MYOF: variants seen among roughly 807,000 people sequenced by gnomAD.
MYOF encodes the protein myoferlin, also known as fer-1-like 3, myoferlin.
MYOF carries 244 observed loss-of-function variants against 284.2 expected under a neutral mutation model. That is an observed-to-expected ratio of 0.86 (90% CI 0.77 to 0.95). The LOEUF is 0.95. Among genes scored for constraint, MYOF ranks in the 40% least tolerant of loss-of-function variants. The probability of loss-of-function intolerance (pLI) is 0.00; values close to 1 mark genes in which losing one functional copy is unlikely to be tolerated. For missense variants in MYOF, 2,496 were observed against 2,560.6 expected (o/e 0.97, Z 0.54); for synonymous variants, 904 against 919.7 (o/e 0.98, Z 0.31).
intron 5 of MYOF, among the ~76,000 whole-genome samples, chr10:93,423,846 CA>C (rs1185725759): frequency 2.0e-5 from 3 of 146,892 alleles, no homozygotes; most frequent in Non-Finnish European, 4.5e-5. Context: ...AAAAAAAAAA[CA>C]AACCAAAAAA....
chr10:93,374,627 A>T (rs1845751028), intron 23 of MYOF, 136 bp downstream of exon 23: 4 of 854,592 alleles, frequency 4.7e-6, no homozygotes, highest in Non-Finnish European at 5.1e-6. Flanking sequence ...TTACTCCCTG[A>T]TTTTTACAAT....
At chr10:93,378,796 T>C (rs1297489771) in intron 21 of MYOF, among the ~76,000 whole-genome samples, 1 of 150,556 alleles carries the variant, frequency 6.6e-6, no homozygotes, top group Admixed American at 6.6e-5. Flanking sequence ...CACTGCAACC[T>C]CCGTCTCCCG....
chr10:93,309,846 T>C (rs185868456), intron 53 of MYOF, among the ~76,000 whole-genome samples, 174 bp downstream of exon 53: 118 of 152,278 alleles, frequency 7.7e-4, no homozygotes, highest in Non-Finnish European at 1.4e-3. Context: ...ACCCTGAGAA[T>C]GTGATTCTAA....
At chr10:93,453,319 C>T (rs560002698) in intron 2 of MYOF, among the ~76,000 whole-genome samples, 59 of 152,318 alleles carry the variant, frequency 3.9e-4, no homozygotes, top group African/African-American at 1.4e-3. Flanking sequence ...GCGCCTGCCA[C>T]CATGCCCTGC....
At chr10:93,368,380 G>C (rs1328762223) in intron 25 of MYOF, among the ~76,000 whole-genome samples, 3 of 152,206 alleles carry the variant, frequency 2.0e-5, no homozygotes, top group Non-Finnish European at 4.4e-5. Context: ...CCTAACCCAA[G>C]CTACACAATC....
Position 93,395,313 on chromosome 10 carries a change from T to G in MYOF, c.1417+829A>C, listed in dbSNP as rs1047653946. Among the ~76,000 whole-genome samples the G allele has an allele frequency of 5.3e-5, 8 of 152,086 alleles. 1 individual carries two copies. Among genetic ancestry groups the G allele is most frequent in the African/African-American group, 9.7e-5 (4 of 41,390 alleles). On this transcript the variant is annotated intron_variant, in intron 16 of 53. Coordinates refer to ENST00000359263, the MANE Select transcript of MYOF (RefSeq NM_013451.4). ...CAAAAATTAGCTGGGCGTGGTGGCATGCGCCTGTAGTCCCAGCTACTCGGG... is the reference window on the plus strand; with the variant it reads ...CAAAAATTAGCTGGGCGTGGTGGCAGGCGCCTGTAGTCCCAGCTACTCGGG...
chr10:93,469,130 T>C (rs1167757744), intron 1 of MYOF, among the ~76,000 whole-genome samples: 1 of 152,178 alleles, frequency 6.6e-6, no homozygotes, highest in Non-Finnish European at 1.5e-5. Context: ...CCAGGTATGG[T>C]GGCTCACGCC....
chr10:93,323,315 C>T lies in MYOF; in HGVS notation c.5315G>A (p.Gly1772Glu), dbSNP rs1428541107. 1.2e-6 allele frequency: 2 copies of T among 1,613,924 alleles called. No individual in the cohort carries two copies. The highest frequency in any genetic ancestry group is 1.7e-5 in the Admixed American group (1 of 60,010). ...GATGTTGAAAGGAGGGCCTGGTGGC[C>T]CCAAACTCTTGGGGAAAACATCCAC... The part of the protein sequence containing the change: ...MWVDVFPKSL[G>E]PPGPPFNITP... The change falls in exon 47 of 54, where the codon GGG becomes GAG. Residue 1772 changes from glycine to glutamate, a missense_variant. By Grantham distance (98) the Gly-to-Glu change is moderately conservative (BLOSUM62 -2). Around this residue, in one of 3 missense-constraint regions of MYOF, gnomAD observed 2,436 missense variants for 2,480.7 expected, o/e 0.98. Transcript: ENST00000359263.
At chr10:93,339,893 C>T (rs1219151457) in intron 39 of MYOF, among the ~76,000 whole-genome samples, 1 of 152,000 alleles carries the variant, frequency 6.6e-6, no homozygotes, top group East Asian at 2.0e-4. Flanking sequence ...TCCTGGCTAA[C>T]ATGGTGAAAC....
At chr10:93,469,954 C>T (rs1455805224) in intron 1 of MYOF, among the ~76,000 whole-genome samples, 9 of 151,974 alleles carry the variant, frequency 5.9e-5, no homozygotes, top group Non-Finnish European at 1.2e-4. Context: ...GTAGGCCGGG[C>T]GCAGTGGCTC....
At chr10:93,464,677 C>T (rs910205353) in intron 1 of MYOF, among the ~76,000 whole-genome samples, 3 of 152,082 alleles carry the variant, frequency 2.0e-5, no homozygotes, top group South Asian at 2.1e-4. Context: ...TCTAAGTTTT[C>T]CCCCAGACTT....
chr10:93,424,737 G>A (rs551765954), intron 5 of MYOF, among the ~76,000 whole-genome samples: 1 of 152,156 alleles, frequency 6.6e-6, no homozygotes, highest in South Asian at 2.1e-4. Flanking sequence ...AGGGGCGGAG[G>A]TCAGGCTGAG....
chr10:93,462,522 C>T (rs2056907425), intron 1 of MYOF, among the ~76,000 whole-genome samples: 1 of 152,120 alleles, frequency 6.6e-6, no homozygotes, highest in East Asian at 1.9e-4. Context: ...ACGAAGCCCT[C>T]TAACCAGGTC....
chr10:93,341,787 C>T (rs1452828710), intron 38 of MYOF: 24 of 489,994 alleles, frequency 4.9e-5, no homozygotes, highest in South Asian at 1.7e-4. Flanking sequence ...AAAACAATCA[C>T]GTTTGTTTAA....
intron 36 of MYOF, 123 bp from the exon 37 acceptor site, chr10:93,347,905 C>A: frequency 2.1e-6 from 2 of 963,108 alleles, no homozygotes; most frequent in Non-Finnish European, 3.0e-6. Flanking sequence ...CGCAATAGTT[C>A]AGTTACTCAT....
At position 93,381,229 on chromosome 10, in the gene MYOF, A is replaced by G; in HGVS notation, c.1866T>C (p.Ala622=). 1 of 1,614,226 alleles carries G rather than the reference A, an allele frequency of 6.2e-7. No homozygotes were observed. Among genetic ancestry groups the G allele is most frequent in the Non-Finnish European group, 8.5e-7 (1 of 1,180,050 alleles). Residue 622 remains alanine (A), a synonymous_variant, in exon 20 of 54, where the codon GCT becomes GCC. Transcript: ENST00000359263. ...TAGTGCCAATCTTACCATCAAATAC[A>G]GCACGGCTGTACTGAGTTGTTGATG... The part of the protein sequence containing the change: ...PLASTTQYSR[A]VFDGNYYYYL...
At chr10:93,455,748 G>T (rs1472519136) in intron 2 of MYOF, among the ~76,000 whole-genome samples, 2 of 152,206 alleles carry the variant, frequency 1.3e-5, no homozygotes, top group Non-Finnish European at 2.9e-5. Flanking sequence ...AAGGTGGGTG[G>T]GTGGAGGGGA....
chr10:93,445,019 T>C (rs1284827516), intron 3 of MYOF, among the ~76,000 whole-genome samples: 2 of 152,222 alleles, frequency 1.3e-5, no homozygotes, highest in Admixed American at 1.3e-4. Context: ...CTCAACAGTA[T>C]AAAAATGCTT....
At chr10:93,467,096 G>A (rs191950667) in intron 1 of MYOF, among the ~76,000 whole-genome samples, 125 of 152,240 alleles carry the variant, frequency 8.2e-4, no homozygotes, top group Non-Finnish European at 1.5e-3. Flanking sequence ...AGATCATAGA[G>A]CCAGTAAGTG....
Sources: gnomAD v4.1 joint callset for allele counts (sites outside exome capture counted in the v4.1 genomes callset) on GRCh38, gnomAD v4.1.1 for gene constraint, gnomAD v4.1.1 regional missense constraint, MANE v1.5 for transcripts, NCBI Gene and HGNC (gene_info 2026-07-23, HGNC 2026-07-21) for gene names.